The following OSCP1 variants were observed in gnomAD, a reference collection of about 807,000 sequenced individuals.
The protein encoded by OSCP1 is organic solute carrier partner 1.
A neutral mutation model predicts 45.1 loss-of-function variants in OSCP1; 35 were observed. The observed-to-expected ratio is 0.78, with a 90% confidence interval of 0.59 to 1.03. The LOEUF (loss-of-function observed/expected upper bound fraction) is 1.03. Among genes scored for constraint, OSCP1 ranks in the 50% least tolerant of loss-of-function variants. The probability of loss-of-function intolerance (pLI) is 0.00; values close to 1 mark genes in which losing one functional copy is unlikely to be tolerated. For missense variants in OSCP1, 400 were observed against 470.7 expected, an observed-to-expected ratio of 0.85 and a Z score of 1.39; for synonymous variants, 179 against 180.1, an observed-to-expected ratio of 0.99 and a Z score of 0.05.
intron 4 of OSCP1, among the ~76,000 whole-genome samples, chr1:36,431,050 G>A (rs1172977773): frequency 6.6e-6 from 1 of 152,230 alleles, no homozygotes; most frequent in African/African-American, 2.4e-5. Flanking sequence ...GAGAATGGTG[G>A]TGGTGCCCTC....
intron 2 of OSCP1, among the ~76,000 whole-genome samples, chr1:36,438,399 A>G (rs1240520802): frequency 6.6e-6 from 1 of 151,738 alleles, no homozygotes; most frequent in African/African-American, 2.4e-5. Context: ...CTGAGGCAGG[A>G]GAATTGCTCA....
At chr1:36,430,410 C>T (rs1333913565) in intron 4 of OSCP1, among the ~76,000 whole-genome samples, 1 of 152,012 alleles carries the variant, frequency 6.6e-6, no homozygotes, top group Non-Finnish European at 1.5e-5. Flanking sequence ...AGGAGAGGGG[C>T]CCAGTTGGGA....
intron 2 of OSCP1, among the ~76,000 whole-genome samples, chr1:36,433,488 A>G (rs1388197211): frequency 6.8e-6 from 1 of 147,620 alleles, no homozygotes; most frequent in Non-Finnish European, 1.5e-5. Flanking sequence ...GGACTGCAAG[A>G]ATGGGGAGGG....
Position 36,448,797 on chromosome 1 carries a change from T to C in OSCP1, c.112+1461A>G, listed in dbSNP as rs540301812. Reference sequence around the variant, plus strand: ...TTATTGGGAAACAGGAGGCAGGCAGTGGTGGAAGAAGGGACTGCAGAGGAA... The same window carrying C: ...TTATTGGGAAACAGGAGGCAGGCAGCGGTGGAAGAAGGGACTGCAGAGGAA... On this transcript the variant is annotated intron_variant, in intron 1 of 9. Coordinates refer to ENST00000235532, the MANE Select transcript of OSCP1 (RefSeq NM_145047.5). Among the ~76,000 whole-genome samples the C allele has an allele frequency of 1.1e-3, 174 of 152,204 alleles. 1 individual carries two copies. Among genetic ancestry groups the C allele is most frequent in the Middle Eastern group, 3.4e-3 (1 of 294 alleles).
At chr1:36,429,934 C>A (rs1263415408) in intron 4 of OSCP1, among the ~76,000 whole-genome samples, 1 of 151,660 alleles carries the variant, frequency 6.6e-6, no homozygotes, top group African/African-American at 2.4e-5. Context: ...CCTTAGTCTC[C>A]CGAGTAGCTG....
intron 1 of OSCP1, among the ~76,000 whole-genome samples, chr1:36,449,413 T>C (rs10493077): frequency 0.11 from 15,631 of 140,288 alleles, 957 homozygotes; most frequent in East Asian, 0.33. Context: ...TGTGAGGAGA[T>C]TTATAACTTT....
chr1:36,432,355 C>T, intron 3 of OSCP1, 67 bp downstream of exon 3: 1 of 1,536,470 alleles, frequency 6.5e-7, no homozygotes, highest in South Asian at 1.2e-5. Context: ...ATAGATCTAC[C>T]TGTTCTTAAC....
chr1:36,445,476 A>C (rs973811417), intron 1 of OSCP1, among the ~76,000 whole-genome samples: 1 of 152,266 alleles, frequency 6.6e-6, no homozygotes, highest in African/African-American at 2.4e-5. Context: ...GCTTCAATAC[A>C]TAATACCAAA....
At chr1:36,423,665 G>A (rs146857888) in intron 4 of OSCP1, among the ~76,000 whole-genome samples, 199 bp from the exon 5 acceptor site, 1 of 151,842 alleles carries the variant, frequency 6.6e-6, no homozygotes, top group Non-Finnish European at 1.5e-5. Context: ...ATGAGGTCAG[G>A]AGATAGAGAC....
At chr1:36,428,805 C>T (rs1648152144) in intron 4 of OSCP1, among the ~76,000 whole-genome samples, 1 of 152,018 alleles carries the variant, frequency 6.6e-6, no homozygotes, top group Non-Finnish European at 1.5e-5. Flanking sequence ...ATTAGCCAGG[C>T]GTGTTGGCAG....
intron 1 of OSCP1, chr1:36,444,143 T>G (rs1200867665): frequency 5.4e-6 from 7 of 1,307,284 alleles, no homozygotes; most frequent in Non-Finnish European, 7.7e-6. Flanking sequence ...AACTTTACTT[T>G]TCACGTTGGC....
intron 7 of OSCP1, among the ~76,000 whole-genome samples, chr1:36,420,937 T>G (rs545410043): frequency 6.6e-6 from 1 of 152,194 alleles, no homozygotes; most frequent in African/African-American, 2.4e-5. Context: ...TCGGTTTCCC[T>G]CAGCATTTAC....
At chr1:36,432,374 G>A (rs200136797) in intron 3 of OSCP1, 48 bp downstream of exon 3, 3 of 1,595,428 alleles carry the variant, frequency 1.9e-6, no homozygotes, top group Middle Eastern at 2.0e-4. Flanking sequence ...ACAGAGGGAT[G>A]AGAAAAAGTA....
Position 36,428,204 on chromosome 1 carries a change from A to AG in OSCP1, c.516+3597_516+3598insC, listed in dbSNP as rs1648109977. ...GACTGCATCTCAAAAAAAAAAAAAA[A>AG]AAAAAAGAAAGAAAAATTTGGCATC... On this transcript the variant is annotated intron_variant, in intron 4 of 9. Transcript: ENST00000235532. The AG allele has an allele frequency of 3.0e-6, 4 of 1,351,488 alleles. No homozygotes were observed. The South Asian group carries it at 6.7e-5, about 23-fold the overall frequency. The allele number at this position is 1,351,488 out of a possible 1,614,324, so 83.7% of individuals were successfully genotyped here. A position where few individuals can be genotyped will look rare whatever the true frequency, so the allele number is the denominator to read the frequency against.
At chr1:36,420,678 C>T in intron 7 of OSCP1, 63 bp from the exon 8 acceptor site, 1 of 1,583,670 alleles carries the variant, frequency 6.3e-7, no homozygotes, top group Non-Finnish European at 8.6e-7. Context: ...GCTAAAACCT[C>T]AGAGACACAG....
At chr1:36,422,709 T>G in intron 6 of OSCP1, 59 bp downstream of exon 6, 1 of 1,422,142 alleles carries the variant, frequency 7.0e-7, no homozygotes, top group Non-Finnish European at 9.3e-7. Context: ...CTCTTTTTTT[T>G]TTTTTAAATG....
In OSCP1 at chr1:36,431,865, A is replaced by G; in HGVS notation, c.453T>C (p.Ser151=). 1 of 1,613,420 alleles carries G rather than the reference A, an allele frequency of 6.2e-7. No individual in the cohort carries two copies. Among genetic ancestry groups the G allele is most frequent in the East Asian group, 2.2e-5 (1 of 44,860 alleles). ...GCCGGATCAGCTGGAACTCCCCTGC[A>G]GAGAGACCACCATATATCTGCCAAA... ...RQLTEIYGGL[S]AGEFQLIRQT... is the part of the protein sequence containing the mutation. Residue 151 remains serine (S), a synonymous_variant, in exon 4 of 10, where the codon TCT becomes TCC. Transcript: ENST00000235532.
chr1:36,450,375 T>G lies in OSCP1; in HGVS notation c.-6A>C. 1 of 1,611,590 alleles carries G rather than the reference T, an allele frequency of 6.2e-7. No homozygotes were observed. Among genetic ancestry groups the G allele is most frequent in the Non-Finnish European group, 8.5e-7 (1 of 1,177,932 alleles). Reference sequence around the variant, plus strand: ...GGTAGCGTCCGCACCGACATGGTGCTGGAAACGAGCTGGACTGGTGAAGAG... The same window carrying G: ...GGTAGCGTCCGCACCGACATGGTGCGGGAAACGAGCTGGACTGGTGAAGAG... On this transcript the variant is annotated 5_prime_UTR_variant, in exon 1 of 10. Transcript: ENST00000235532.
At chr1:36,445,074 G>T (rs1649433817) in intron 1 of OSCP1, among the ~76,000 whole-genome samples, 1 of 152,178 alleles carries the variant, frequency 6.6e-6, no homozygotes, top group Non-Finnish European at 1.5e-5. Flanking sequence ...TTTTGGCGAG[G>T]CACAGTGGCT....
Sources: gnomAD v4.1 joint callset for allele counts (sites outside exome capture counted in the v4.1 genomes callset) on GRCh38, gnomAD v4.1.1 for gene constraint, MANE v1.5 for transcripts, NCBI Gene and HGNC (gene_info 2026-07-23, HGNC 2026-07-21) for gene names.